The following PLCB4 variants were observed in gnomAD, a reference collection of about 807,000 sequenced individuals.
PLCB4 encodes the protein 1-phosphatidylinositol 4,5-bisphosphate phosphodiesterase beta-4.
PLCB4 carries 77 observed loss-of-function variants against 178.8 expected under a neutral mutation model. That is an observed-to-expected ratio of 0.43 (90% CI 0.36 to 0.52). The LOEUF is 0.52. PLCB4 is among the 20% of genes least tolerant of loss of function. The probability of loss-of-function intolerance (pLI) is 0.00; values close to 1 mark genes in which losing one functional copy is unlikely to be tolerated. For synonymous variants in PLCB4, 496 were observed against 490.8 expected (o/e 1.01, Z -0.14); for missense variants, 1,024 against 1,453.4 (o/e 0.70, Z 4.80).
chr20:9,284,587 G>A (rs1032872017), intron 3 of PLCB4, among the ~76,000 whole-genome samples: 10 of 151,814 alleles, frequency 6.6e-5, no homozygotes, highest in African/African-American at 2.2e-4. Context: ...GATCTTTTTC[G>A]TCCCTGTCCT....
chr20:9,294,930 T>G (rs1397199618), intron 3 of PLCB4, among the ~76,000 whole-genome samples: 3 of 152,154 alleles, frequency 2.0e-5, no homozygotes, highest in Non-Finnish European at 4.4e-5. Flanking sequence ...AGTTCCCATC[T>G]TGGCTAAAAA....
At chr20:9,447,659 A>G (rs373299273) in intron 32 of PLCB4, among the ~76,000 whole-genome samples, 7 of 152,250 alleles carry the variant, frequency 4.6e-5, no homozygotes, top group Non-Finnish European at 8.8e-5. Flanking sequence ...GGCCATTTTT[A>G]TAGCCTACCG....
chr20:9,382,787 G>A (rs1349774063), intron 13 of PLCB4, among the ~76,000 whole-genome samples: 2 of 152,014 alleles, frequency 1.3e-5, no homozygotes, highest in African/African-American at 4.8e-5. Context: ...TTACTTATTT[G>A]TTTCTGTCAC....
intron 14 of PLCB4, among the ~76,000 whole-genome samples, chr20:9,387,127 C>T (rs1311915229): frequency 6.6e-6 from 1 of 151,976 alleles, no homozygotes; most frequent in South Asian, 2.1e-4. Context: ...CAACTCCTGA[C>T]CTCAAGTGAT....
chr20:9,378,774 G>T (rs922276617), intron 12 of PLCB4, among the ~76,000 whole-genome samples: 2 of 152,100 alleles, frequency 1.3e-5, no homozygotes, highest in African/African-American at 2.4e-5. Context: ...ATGAGTTAAT[G>T]CTCTTAACTC....
At chr20:9,304,275 T>A (rs2094739393) in intron 3 of PLCB4, among the ~76,000 whole-genome samples, 1 of 151,968 alleles carries the variant, frequency 6.6e-6, no homozygotes, top group African/African-American at 2.4e-5. Context: ...TGTATATAGA[T>A]GTTGTACACT....
At chr20:9,369,901 C>A (rs771863584) in intron 9 of PLCB4, among the ~76,000 whole-genome samples, 1 of 152,196 alleles carries the variant, frequency 6.6e-6, no homozygotes, top group African/African-American at 2.4e-5. Context: ...AAAGCCAGCC[C>A]TCATGGATAG....
At chr20:9,355,441 C>G (rs2034716306) in intron 7 of PLCB4, among the ~76,000 whole-genome samples, 1 of 151,990 alleles carries the variant, frequency 6.6e-6, no homozygotes, top group African/African-American at 2.4e-5. Flanking sequence ...CTGTCCCTCC[C>G]CCATCCCCTG....
At chr20:9,431,978 T>C (rs1192123430) in intron 28 of PLCB4, among the ~76,000 whole-genome samples, 1 of 152,208 alleles carries the variant, frequency 6.6e-6, no homozygotes, top group Non-Finnish European at 1.5e-5. Context: ...AAAGAAATCA[T>C]TTTTTGCACT....
intron 3 of PLCB4, among the ~76,000 whole-genome samples, chr20:9,286,374 A>T (rs1323955008): frequency 6.6e-6 from 1 of 152,046 alleles, no homozygotes; most frequent in Non-Finnish European, 1.5e-5. Flanking sequence ...GGAGGTGGTT[A>T]TGGGTATAGT....
chr20:9,131,721 T>C (rs187770164), intron 2 of PLCB4, among the ~76,000 whole-genome samples: 8 of 152,326 alleles, frequency 5.3e-5, no homozygotes, highest in African/African-American at 1.4e-4. Flanking sequence ...CCTGCTGAAC[T>C]CTGCCTCCTA....
chr20:9,407,404 C>G (rs982995439), intron 21 of PLCB4, among the ~76,000 whole-genome samples: 1 of 146,454 alleles, frequency 6.8e-6, no homozygotes, highest in African/African-American at 2.6e-5. Flanking sequence ...GAGTCTTGCT[C>G]TGTTGCCTGG....
chr20:9,221,454 C>T (rs566988387), intron 3 of PLCB4, among the ~76,000 whole-genome samples: 2 of 152,324 alleles, frequency 1.3e-5, no homozygotes, highest in African/African-American at 2.4e-5. Flanking sequence ...GCACACAAGA[C>T]GATTAAAGGG....
At chr20:9,445,795 C>T (rs954909559) in intron 32 of PLCB4, among the ~76,000 whole-genome samples, 1 of 152,110 alleles carries the variant, frequency 6.6e-6, no homozygotes, top group African/African-American at 2.4e-5. Context: ...TATGGAAAGC[C>T]AACAGAAAAA....
intron 2 of PLCB4, among the ~76,000 whole-genome samples, chr20:9,199,383 G>A (rs557368662): frequency 3.9e-5 from 6 of 152,292 alleles, no homozygotes; most frequent in Non-Finnish European, 8.8e-5. Context: ...ATTAAACAGT[G>A]TAGAAACCCC....
At position 9,468,081 on chromosome 20, in the gene PLCB4, T is replaced by C. The variant is rs546110850; in HGVS notation, c.3249-490T>C. On this transcript the variant is annotated intron_variant, in intron 35 of 39. Transcript: ENST00000378473. Reference sequence around the variant, plus strand: ...TGTGATGGTTAGAACATTTTCTCTCTCTCTTCCAGCCCATCTGATCCCAAA... The same window carrying C: ...TGTGATGGTTAGAACATTTTCTCTCCCTCTTCCAGCCCATCTGATCCCAAA... Among the ~76,000 whole-genome samples, 3 of 152,222 alleles carry C rather than the reference T, an allele frequency of 2.0e-5. No individual in the cohort carries two copies. The South Asian group carries it at 6.2e-4, about 32-fold the overall frequency.
chr20:9,260,478 T>A (rs8124648), intron 3 of PLCB4, among the ~76,000 whole-genome samples: 5,209 of 152,232 alleles, frequency 0.034, 324 homozygotes, highest in African/African-American at 0.12. Flanking sequence ...AGAAATGTAT[T>A]CTGTATGTTT....
At chr20:9,407,340 T>C (rs1206540374) in intron 21 of PLCB4, among the ~76,000 whole-genome samples, 2 of 152,102 alleles carry the variant, frequency 1.3e-5, no homozygotes, top group Non-Finnish European at 2.9e-5. Context: ...ATCTATTTCA[T>C]AGCATTGCTG....
intron 14 of PLCB4, 39 bp downstream of exon 14, chr20:9,384,450 A>G: frequency 1.5e-6 from 2 of 1,357,444 alleles, no homozygotes; most frequent in Non-Finnish European, 2.1e-6. Flanking sequence ...TTTGTGTGTG[A>G]TGCCCTTCAG....
Sources: allele counts gnomAD v4.1 joint callset (sites outside exome capture counted in the v4.1 genomes callset), GRCh38; gene constraint gnomAD v4.1.1; transcripts MANE v1.5; gene names NCBI Gene and HGNC (gene_info 2026-07-23, HGNC 2026-07-21).